The following ERC2 variants were observed in gnomAD, a reference collection of about 807,000 sequenced individuals.
ERC2 encodes the protein ERC protein 2.
ERC2 carries 42 observed loss-of-function variants against 114.8 expected under a neutral mutation model. The observed-to-expected ratio is 0.37, with a 90% CI of 0.29 to 0.47. ERC2 has a LOEUF of 0.47. ERC2 is among the 20% of genes least tolerant of loss of function. The pLI is 0.99. For missense variants in ERC2, 939 were observed against 1,150.7 expected (o/e 0.82, Z 2.66); for synonymous variants, 454 against 425.5 (o/e 1.07, Z -0.82).
intron 14 of ERC2, among the ~76,000 whole-genome samples, chr3:55,883,910 CAACAACAACAA>C (rs2063237789): frequency 6.6e-6 from 1 of 151,658 alleles, no homozygotes; most frequent in African/African-American, 2.4e-5. Context: ...ACAACAACAA[CAACAACAACAA>C]CAACAACACC....
intron 2 of ERC2, among the ~76,000 whole-genome samples, chr3:56,426,947 A>G (rs1042480103): frequency 6.8e-6 from 1 of 147,476 alleles, no homozygotes; most frequent in African/African-American, 2.5e-5. Context: ...GGATTGCTTG[A>G]GCCCAGGAGT....
At chr3:56,269,057 C>T (rs924650677) in intron 3 of ERC2, among the ~76,000 whole-genome samples, 2 of 152,128 alleles carry the variant, frequency 1.3e-5, no homozygotes, top group South Asian at 2.1e-4. Context: ...ATTTCAGATC[C>T]ATCAATAAAA....
At chr3:55,660,495 C>T (rs1251434481) in intron 17 of ERC2, among the ~76,000 whole-genome samples, 2 of 146,800 alleles carry the variant, frequency 1.4e-5, no homozygotes, top group African/African-American at 4.9e-5. Context: ...TGGGAGTCTC[C>T]TATTTCCTTG....
At chr3:55,783,572 TAA>T (rs1284331684) in intron 14 of ERC2, among the ~76,000 whole-genome samples, 2 of 152,176 alleles carry the variant, frequency 1.3e-5, no homozygotes, top group African/African-American at 4.8e-5. Context: ...AGCCCTAAAA[TAA>T]AAAACTTTCC....
At chr3:55,558,824 A>T (rs1047805276) in intron 17 of ERC2, among the ~76,000 whole-genome samples, 1 of 152,228 alleles carries the variant, frequency 6.6e-6, no homozygotes, top group African/African-American at 2.4e-5. Flanking sequence ...AGACTATGTT[A>T]TAGATCTAGG....
At chr3:56,150,336 A>G (rs1575596990) in intron 4 of ERC2, among the ~76,000 whole-genome samples, 3 of 152,158 alleles carry the variant, frequency 2.0e-5, no homozygotes, top group Admixed American at 6.6e-5. Context: ...ATCTATGCCC[A>G]GTGGTATATC....
At chr3:56,046,243 T>C in intron 7 of ERC2, among the ~76,000 whole-genome samples, 1 of 152,312 alleles carries the variant, frequency 6.6e-6, no homozygotes, top group East Asian at 1.9e-4. Flanking sequence ...ATGTTCTCCC[T>C]AAGTTTCCGG....
At chr3:55,844,390 A>T (rs550456429) in intron 14 of ERC2, among the ~76,000 whole-genome samples, 1 of 152,370 alleles carries the variant, frequency 6.6e-6, no homozygotes, top group Admixed American at 6.5e-5. Context: ...AGAAGTACAC[A>T]CAACCAGATG....
chr3:56,324,279 A>C (rs1176212226), intron 2 of ERC2, among the ~76,000 whole-genome samples: 1 of 152,032 alleles, frequency 6.6e-6, no homozygotes, highest in Non-Finnish European at 1.5e-5. Flanking sequence ...CCTTCCCATG[A>C]CTCACCCAGC....
Position 56,007,201 on chromosome 3 carries a change from A to G in ERC2, c.2041T>C (p.Leu681=), listed in dbSNP as rs1442505533. The G allele has an allele frequency of 1.9e-6, 3 of 1,570,440 alleles. No homozygotes were observed. Among genetic ancestry groups the G allele is most frequent in the East Asian group, 4.6e-5 (2 of 43,510 alleles). The change falls in exon 10 of 18, where the codon TTG becomes CTG. Residue 681 remains leucine, a synonymous_variant. Transcript: ENST00000288221. The stretch of plus-strand genomic sequence containing the variant: ...CTTACCTTTTTTAACTGTGCTTCCA[A>G]TTTGCTACATTCCTCTTTCTTTTGT... ...IEQKKEECSK[L]EAQLKKAHNI... is the part of the protein sequence containing the mutation.
At chr3:55,728,192 C>A (rs1048844474) in intron 15 of ERC2, among the ~76,000 whole-genome samples, 1 of 152,140 alleles carries the variant, frequency 6.6e-6, no homozygotes, top group Non-Finnish European at 1.5e-5. Flanking sequence ...AAAGATAACA[C>A]AATTATCTCT....
intron 1 of ERC2, among the ~76,000 whole-genome samples, chr3:56,448,864 A>G (rs1008769931): frequency 2.0e-5 from 3 of 152,150 alleles, no homozygotes; most frequent in African/African-American, 7.2e-5. Context: ...TCACAAGGTC[A>G]GGAGATCGAG....
At chr3:56,405,100 G>T (rs1282998479) in intron 2 of ERC2, among the ~76,000 whole-genome samples, 1 of 152,120 alleles carries the variant, frequency 6.6e-6, no homozygotes, top group Non-Finnish European at 1.5e-5. Context: ...AAACTAGGCA[G>T]AAAGGGCCAA....
chr3:56,398,514 T>C (rs2060398528), intron 2 of ERC2, among the ~76,000 whole-genome samples: 1 of 152,182 alleles, frequency 6.6e-6, no homozygotes, highest in South Asian at 2.1e-4. Context: ...CTTGTTTTTC[T>C]GAAATTCAAA....
intron 14 of ERC2, among the ~76,000 whole-genome samples, chr3:55,832,883 C>G (rs570935290): frequency 3.7e-4 from 57 of 152,058 alleles, no homozygotes; most frequent in African/African-American, 1.3e-3. Context: ...GAATGTATAA[C>G]TAGAATAACC....
At chr3:55,794,992 T>C (rs2070362012) in intron 14 of ERC2, among the ~76,000 whole-genome samples, 1 of 152,224 alleles carries the variant, frequency 6.6e-6, no homozygotes, top group Non-Finnish European at 1.5e-5. Flanking sequence ...AAATGGTTGA[T>C]TTGCTTCAAA....
intron 17 of ERC2, among the ~76,000 whole-genome samples, chr3:55,665,327 T>G (rs949034211): frequency 1.3e-5 from 2 of 152,206 alleles, no homozygotes; most frequent in Admixed American, 6.5e-5. Flanking sequence ...AAATGATTCA[T>G]AGAATCTTGT....
intron 2 of ERC2, among the ~76,000 whole-genome samples, chr3:56,391,051 C>T (rs528614620): frequency 6.6e-6 from 1 of 152,302 alleles, no homozygotes; most frequent in South Asian, 2.1e-4. Flanking sequence ...ACAGCTCTTG[C>T]ACTCATCTCA....
intron 17 of ERC2, among the ~76,000 whole-genome samples, chr3:55,653,043 C>T (rs1212376931): frequency 1.3e-5 from 2 of 152,066 alleles, no homozygotes; most frequent in Admixed American, 6.5e-5. Context: ...GTCTCACACT[C>T]ATCTACCAAG....
Sources: gnomAD v4.1 joint callset for allele counts (sites outside exome capture counted in the v4.1 genomes callset) on GRCh38, gnomAD v4.1.1 for gene constraint, MANE v1.5 for transcripts, NCBI Gene and HGNC (gene_info 2026-07-23, HGNC 2026-07-21) for gene names.